PDE3B: variants seen among roughly 807,000 people sequenced by gnomAD.
PDE3B encodes cGMP-inhibited 3',5'-cyclic phosphodiesterase 3B.
A neutral mutation model predicts 116.8 loss-of-function variants in PDE3B; 66 were observed. That is an observed-to-expected ratio of 0.56 (90% CI 0.46 to 0.69). The LOEUF (loss-of-function observed/expected upper bound fraction) is 0.69, where lower values mean the gene tolerates loss of function less well. PDE3B is among the 30% of genes least tolerant of loss of function. PDE3B has a pLI of 0.00. For synonymous variants in PDE3B, 595 were observed against 533.6 expected, an observed-to-expected ratio of 1.12 and a Z score of -1.59; for missense variants, 1,384 against 1,368.1, an observed-to-expected ratio of 1.01 and a Z score of -0.18.
At chr11:14,704,970 C>T (rs186927244) in intron 1 of PDE3B, among the ~76,000 whole-genome samples, 264 of 151,526 alleles carry the variant, frequency 1.7e-3, no homozygotes, top group African/African-American at 6.0e-3. Flanking sequence ...ATTTGAGAAA[C>T]GACTTATATA....
the PDE3B span, among the ~76,000 whole-genome samples, chr11:14,894,444 T>C: frequency 1.3e-5 from 2 of 152,320 alleles, no homozygotes; most frequent in Admixed American, 1.3e-4. Context: ...TGGCCACAGC[T>C]GTTATACAGT....
intron 14 of PDE3B, among the ~76,000 whole-genome samples, chr11:14,865,381 G>T (rs1263508658): frequency 2.0e-5 from 3 of 152,014 alleles, no homozygotes; most frequent in South Asian, 2.1e-4. Context: ...AGGAATCCTT[G>T]TTGGCCCTAA....
chr11:14,644,832 G>A lies in PDE3B; in HGVS notation c.757G>A (p.Gly253Arg). 3 of 1,612,264 alleles carry A rather than the reference G, an allele frequency of 1.9e-6. No individual in the cohort carries two copies. The highest frequency in any genetic ancestry group is 1.3e-5 in the African/African-American group (1 of 75,028). ...CAGGCCGCTGCTCTCCGGCCTGGTG[G>A]GGGGCGCTGGCTGCCTGCTGGCCCT... ...ALRPLLSGLV[G>R]GAGCLLALGL... Residue 253 changes from glycine to arginine, a missense_variant, in exon 1 of 16, where the codon GGG becomes AGG. This residue lies in a region of PDE3B where 956 missense variants were observed against 806.8 expected (regional missense o/e 1.18). Coordinates refer to ENST00000282096, the MANE Select transcript of PDE3B (RefSeq NM_000922.4).
chr11:14,665,038 A>G, intron 1 of PDE3B, among the ~76,000 whole-genome samples: 1 of 152,234 alleles, frequency 6.6e-6, no homozygotes, highest in Non-Finnish European at 1.5e-5. Flanking sequence ...GGCAATCCGA[A>G]TCCAGCAGCA....
Position 14,818,392 on chromosome 11 carries a change from A to AGTT in PDE3B, c.1733_1733+1insTTG (p.Cys579dup). 2 of 1,595,178 alleles carry AGTT rather than the reference A, an allele frequency of 1.3e-6. No homozygotes were observed. The highest frequency in any genetic ancestry group is 1.7e-6 in the Non-Finnish European group (2 of 1,162,930). ...AAATTCTGATAGCAATCTGTGTAAC[A>AGTT]GGTAAGTTTCCCAACTGTTTATTAT... On this transcript the variant is annotated inframe_insertion and splice_region_variant, in exon 6 of 16. Coordinates refer to ENST00000282096, the MANE Select transcript of PDE3B (RefSeq NM_000922.4).
At chr11:14,791,561 A>G (rs1354201705) in intron 4 of PDE3B, among the ~76,000 whole-genome samples, 2 of 152,100 alleles carry the variant, frequency 1.3e-5, no homozygotes, top group African/African-American at 4.8e-5. Context: ...ATCTGTCTGC[A>G]TTATCTTTTA....
At chr11:14,867,812 A>T in intron 15 of PDE3B, 54 bp downstream of exon 15, 1 of 1,475,590 alleles carries the variant, frequency 6.8e-7, no homozygotes, top group African/African-American at 1.4e-5. Context: ...GAGTATTCCA[A>T]GTCTGAAAAT....
At chr11:14,704,291 C>G (rs545225473) in intron 1 of PDE3B, among the ~76,000 whole-genome samples, 6 of 151,670 alleles carry the variant, frequency 4.0e-5, no homozygotes, top group African/African-American at 9.7e-5. Flanking sequence ...GGAGTCCAAG[C>G]CTGTATTTTC....
intron 1 of PDE3B, among the ~76,000 whole-genome samples, chr11:14,650,419 C>T (rs2133746794): frequency 6.6e-6 from 1 of 152,258 alleles, no homozygotes; most frequent in South Asian, 2.1e-4. Flanking sequence ...GTTGCCCAGG[C>T]ATGTCTCAAA....
At chr11:14,688,140 T>TCTCTCTCC (rs1565092629) in intron 1 of PDE3B, among the ~76,000 whole-genome samples, 3 of 97,882 alleles carry the variant, frequency 3.1e-5, no homozygotes, top group African/African-American at 1.2e-4. Context: ...TCTCTCTCTC[T>TCTCTCTCC]CTCCCTCCCT....
intron 5 of PDE3B, among the ~76,000 whole-genome samples, chr11:14,815,233 T>C (rs551893098): frequency 6.6e-6 from 1 of 152,364 alleles, no homozygotes; most frequent in East Asian, 1.9e-4. Flanking sequence ...GGAAGAATTA[T>C]GGACAACTAT....
At chr11:14,888,719 ATTTCATCTT>A in the PDE3B span, among the ~76,000 whole-genome samples, 4 of 152,120 alleles carry the variant, frequency 2.6e-5, no homozygotes, top group African/African-American at 9.7e-5. Context: ...AGGAGCAGTG[ATTTCATCTT>A]TTTCATCTTT....
chr11:14,645,700 A>G (rs1853381522), intron 1 of PDE3B, among the ~76,000 whole-genome samples: 1 of 151,884 alleles, frequency 6.6e-6, no homozygotes, highest in Non-Finnish European at 1.5e-5. Context: ...AACAGTTTAA[A>G]CTTTAAACTT....
chr11:14,808,865 C>G (rs2133939880), intron 5 of PDE3B, among the ~76,000 whole-genome samples: 1 of 152,088 alleles, frequency 6.6e-6, no homozygotes. Context: ...TAAAGAAGAC[C>G]TAAATATATT....
rs201240527 is a variant in PDE3B, at chr11:14,726,099, TC to T, written c.979-45833del. Among the ~76,000 whole-genome samples the T allele has an allele frequency of 4.4e-3, 673 of 152,290 alleles. 3 individuals are homozygous for T. Among genetic ancestry groups the T allele is most frequent in the African/African-American group, 0.015 (638 of 41,558 alleles). ...GCTGTTTTTTCACTTGGAATGCTCTTCCCCCATATTTTCACTTAGCTTGCTC... is the reference window on the plus strand; with the variant it reads ...GCTGTTTTTTCACTTGGAATGCTCTTCCCCATATTTTCACTTAGCTTGCTC... On this transcript the variant is annotated intron_variant, in intron 1 of 15. Transcript: ENST00000282096.
chr11:14,665,967 A>G (rs916195079), intron 1 of PDE3B, among the ~76,000 whole-genome samples: 3 of 152,232 alleles, frequency 2.0e-5, no homozygotes, highest in Non-Finnish European at 2.9e-5. Flanking sequence ...AAGAGCCCGC[A>G]TCGCCAAGTC....
At chr11:14,799,319 T>C (rs1858668746) in intron 4 of PDE3B, among the ~76,000 whole-genome samples, 1 of 152,188 alleles carries the variant, frequency 6.6e-6, no homozygotes, top group African/African-American at 2.4e-5. Context: ...ATTTCTGTTC[T>C]TTTGCCTTTG....
At chr11:14,788,643 G>A (rs1288655797) in intron 3 of PDE3B, among the ~76,000 whole-genome samples, 1 of 151,884 alleles carries the variant, frequency 6.6e-6, no homozygotes, top group African/African-American at 2.4e-5. Context: ...ATTTAACTCA[G>A]TCATTTATTC....
At chr11:14,805,277 A>G (rs1055191265) in intron 5 of PDE3B, among the ~76,000 whole-genome samples, 1 of 152,198 alleles carries the variant, frequency 6.6e-6, no homozygotes, top group Non-Finnish European at 1.5e-5. Context: ...AACAACAATA[A>G]TGATATTGAC....
Sources: gnomAD v4.1 joint callset for allele counts (sites outside exome capture counted in the v4.1 genomes callset) on GRCh38, gnomAD v4.1.1 for gene constraint, gnomAD v4.1.1 regional missense constraint, MANE v1.5 for transcripts, NCBI Gene and HGNC (gene_info 2026-07-23, HGNC 2026-07-21) for gene names.